The following AFF3 variants were observed in gnomAD, a reference collection of about 807,000 sequenced individuals.
The protein encoded by AFF3 is AF4/FMR2 family member 3.
A neutral mutation model predicts 129.7 loss-of-function variants in AFF3; 32 were observed. That is an observed-to-expected ratio of 0.25 (90% CI 0.19 to 0.33). The LOEUF (loss-of-function observed/expected upper bound fraction) is 0.33, where lower values mean the gene tolerates loss of function less well. Ranked by LOEUF, AFF3 falls within the 10% of genes least tolerant of loss-of-function variation. AFF3 has a pLI of 1.00. For missense variants in AFF3, 1,373 were observed against 1,592.0 expected, an observed-to-expected ratio of 0.86 and a Z score of 2.34; for synonymous variants, 644 against 635.4, an observed-to-expected ratio of 1.01 and a Z score of -0.20.
At chr2:99,917,450 T>C (rs886164491) in intron 7 of AFF3, among the ~76,000 whole-genome samples, 1 of 152,180 alleles carries the variant, frequency 6.6e-6, no homozygotes, top group Non-Finnish European at 1.5e-5. Context: ...CTAACACTTA[T>C]AACAGGGAAT....
intron 7 of AFF3, among the ~76,000 whole-genome samples, chr2:99,890,283 A>T (rs1307573812): frequency 6.6e-6 from 1 of 152,176 alleles, no homozygotes; most frequent in Non-Finnish European, 1.5e-5. Flanking sequence ...TTTGATTGGT[A>T]CAAAATTCAG....
At chr2:100,015,113 T>C (rs1364190187) in intron 4 of AFF3, among the ~76,000 whole-genome samples, 1 of 152,046 alleles carries the variant, frequency 6.6e-6, no homozygotes, top group East Asian at 1.9e-4. Flanking sequence ...CCACCTTACT[T>C]CTTTAACAAG....
intron 15 of AFF3, among the ~76,000 whole-genome samples, chr2:99,589,996 C>G (rs946237306): frequency 2.0e-5 from 3 of 152,214 alleles, no homozygotes; most frequent in Non-Finnish European, 4.4e-5. Context: ...CTCTCAAGGG[C>G]TCTGTCTGCC....
intron 18 of AFF3, among the ~76,000 whole-genome samples, chr2:99,572,445 G>A (rs939063884): frequency 1.1e-4 from 17 of 151,930 alleles, no homozygotes; most frequent in African/African-American, 3.6e-4. Context: ...GGTCTCCCAC[G>A]GAGAGCCTGG....
intron 7 of AFF3, among the ~76,000 whole-genome samples, chr2:99,905,195 C>T (rs147067874): frequency 5.6e-4 from 86 of 152,350 alleles, no homozygotes; most frequent in African/African-American, 2.0e-3. Flanking sequence ...TGGCGCACGT[C>T]TGTTCTGGAG....
chr2:99,971,207 T>C (rs1186572908), intron 7 of AFF3, among the ~76,000 whole-genome samples: 1 of 152,228 alleles, frequency 6.6e-6, no homozygotes, highest in Non-Finnish European at 1.5e-5. Flanking sequence ...AAGCCCATTC[T>C]TGCCCGTCCA....
chr2:100,127,500 G>A (rs561841773), intron 2 of AFF3, among the ~76,000 whole-genome samples: 51 of 152,312 alleles, frequency 3.3e-4, no homozygotes, highest in African/African-American at 1.1e-3. Flanking sequence ...GTTCCTTGCG[G>A]TCACTTCCTG....
chr2:99,582,471 C>T (rs1046239040), intron 17 of AFF3, among the ~76,000 whole-genome samples: 1 of 152,188 alleles, frequency 6.6e-6, no homozygotes, highest in Non-Finnish European at 1.5e-5. Flanking sequence ...AGAAATTTTT[C>T]CCAACAGAAA....
intron 1 of AFF3, among the ~76,000 whole-genome samples, chr2:100,130,597 TA>T (rs1692390585): frequency 6.6e-6 from 1 of 152,190 alleles, no homozygotes; most frequent in Non-Finnish European, 1.5e-5. Flanking sequence ...GCCTAAGTAA[TA>T]AAAGCCCCTG....
At chr2:99,694,559 T>C (rs1319873293) in intron 11 of AFF3, among the ~76,000 whole-genome samples, 1 of 152,144 alleles carries the variant, frequency 6.6e-6, no homozygotes, top group African/African-American at 2.4e-5. Context: ...CGTAAGTCCT[T>C]TCCCTGTCCC....
intron 1 of AFF3, among the ~76,000 whole-genome samples, chr2:100,134,610 C>G (rs989996865): frequency 6.6e-6 from 1 of 152,138 alleles, no homozygotes; most frequent in Non-Finnish European, 1.5e-5. Context: ...TTTTCCCTAG[C>G]AATTTTACAG....
chr2:99,565,345 G>A (rs1466010699), intron 20 of AFF3, 142 bp downstream of exon 20: 34 of 1,224,692 alleles, frequency 2.8e-5, no homozygotes, highest in Admixed American at 8.8e-5. Flanking sequence ...CGCCTTGCAC[G>A]ACCTTACCCT....
Position 99,548,941 on chromosome 2 carries a change from C to T in AFF3, c.*2533G>A, listed in dbSNP as rs984981346. The T allele has an allele frequency of 4.3e-6, 1 of 232,140 alleles. No individual in the cohort carries two copies. Among genetic ancestry groups the T allele is most frequent in the Admixed American group, 5.6e-5 (1 of 17,746 alleles). The allele number at this position is 232,140 out of a possible 1,614,324, so 14.4% of individuals were successfully genotyped here. ...ACAAGACAGTCATAAGAACTACACG[C>T]TCTGACCACTGCCCACAACGGTAAG... On this transcript the variant is annotated 3_prime_UTR_variant, in exon 25 of 25. Coordinates refer to ENST00000672756, the MANE Select transcript of AFF3 (RefSeq NM_001386135.1).
At chr2:100,133,603 G>C (rs1692517500) in intron 1 of AFF3, among the ~76,000 whole-genome samples, 2 of 152,056 alleles carry the variant, frequency 1.3e-5, no homozygotes, top group South Asian at 4.1e-4. Context: ...ACTGTGCCTG[G>C]CTCTCATGTA....
At chr2:100,019,002 A>G (rs547230736) in intron 4 of AFF3, among the ~76,000 whole-genome samples, 177 of 152,318 alleles carry the variant, frequency 1.2e-3, no homozygotes, top group African/African-American at 4.1e-3. Context: ...ACAATGAGTC[A>G]TATTTTATAA....
intron 11 of AFF3, among the ~76,000 whole-genome samples, chr2:99,681,908 ATT>A (rs35944169): frequency 1.4e-5 from 2 of 139,522 alleles, no homozygotes. Flanking sequence ...CCTTAATTCT[ATT>A]TTTTTTTTTT....
intron 2 of AFF3, among the ~76,000 whole-genome samples, chr2:100,120,463 CCA>C (rs1187839780): frequency 8.0e-6 from 1 of 124,712 alleles, no homozygotes; most frequent in Non-Finnish European, 1.6e-5. Context: ...TTCTGCACCC[CCA>C]ACCCCCACCC....
intron 2 of AFF3, chr2:100,107,552 T>G (rs1422916543): frequency 1.0e-6 from 1 of 972,230 alleles, no homozygotes. Context: ...ATAGTGCTTG[T>G]GACCTGAGGG....
intron 10 of AFF3, among the ~76,000 whole-genome samples, chr2:99,727,926 T>C (rs1468398772): frequency 1.3e-5 from 2 of 152,160 alleles, no homozygotes; most frequent in Non-Finnish European, 2.9e-5. Context: ...CCCTATTTTA[T>C]ACCCCATAGA....
Sources: gnomAD v4.1 joint callset for allele counts (sites outside exome capture counted in the v4.1 genomes callset) on GRCh38, gnomAD v4.1.1 for gene constraint, MANE v1.5 for transcripts, NCBI Gene and HGNC (gene_info 2026-07-23, HGNC 2026-07-21) for gene names.